OSBPL9: variants seen among roughly 807,000 people sequenced by gnomAD.
OSBPL9 encodes the protein oxysterol binding protein like 9.
A neutral mutation model predicts 106.6 loss-of-function variants in OSBPL9; 40 were observed. The observed-to-expected ratio is 0.38, with a 90% CI of 0.29 to 0.49. The LOEUF (loss-of-function observed/expected upper bound fraction) is 0.49, where lower values mean the gene tolerates loss of function less well. Ranked by LOEUF, OSBPL9 falls within the 20% of genes least tolerant of loss-of-function variation. OSBPL9 has a pLI of 0.97. For synonymous variants in OSBPL9, 269 were observed against 295.4 expected, an observed-to-expected ratio of 0.91 and a Z score of 0.92; for missense variants, 609 against 887.2, an observed-to-expected ratio of 0.69 and a Z score of 3.98.
chr1:51,777,610 A>G (rs1675363202), intron 15 of OSBPL9, among the ~76,000 whole-genome samples: 1 of 151,356 alleles, frequency 6.6e-6, no homozygotes, highest in South Asian at 2.1e-4. Flanking sequence ...GGGTGGATAC[A>G]TTGGCTGACA....
At chr1:51,583,603 G>C (rs1367455406) in intron 1 of OSBPL9, 1 of 152,230 alleles carries the variant, frequency 6.6e-6, no homozygotes, top group Non-Finnish European at 1.5e-5. Flanking sequence ...GCTGGATCAG[G>C]CCTATTCGGT....
At chr1:51,666,451 A>G (rs1648537979) in intron 2 of OSBPL9, among the ~76,000 whole-genome samples, 1 of 152,244 alleles carries the variant, frequency 6.6e-6, no homozygotes, top group Non-Finnish European at 1.5e-5. Context: ...AATTATTTTA[A>G]AAATTTAAGA....
At chr1:51,571,435 G>T in the OSBPL9 span, among the ~76,000 whole-genome samples, 1 of 152,142 alleles carries the variant, frequency 6.6e-6, no homozygotes, top group African/African-American at 2.4e-5. Flanking sequence ...GTATGTCAGG[G>T]CAGGAGGACT....
At chr1:51,723,343 T>A (rs1339579329) in intron 4 of OSBPL9, among the ~76,000 whole-genome samples, 1 of 152,252 alleles carries the variant, frequency 6.6e-6, no homozygotes, top group Non-Finnish European at 1.5e-5. Flanking sequence ...ACTGAACTTT[T>A]TAACATCTCC....
At chr1:51,663,023 C>T (rs1049791489) in intron 2 of OSBPL9, among the ~76,000 whole-genome samples, 1 of 152,140 alleles carries the variant, frequency 6.6e-6, no homozygotes, top group East Asian at 1.9e-4. Flanking sequence ...GGATTACAGG[C>T]ATGAGCCACC....
At chr1:51,598,935 A>G (rs2148603322) in intron 2 of OSBPL9, among the ~76,000 whole-genome samples, 1 of 151,804 alleles carries the variant, frequency 6.6e-6, no homozygotes, top group African/African-American at 2.4e-5. Flanking sequence ...CAGAGGTTGC[A>G]GTGAGCCAAG....
chr1:51,521,748 A>T, the OSBPL9 span, among the ~76,000 whole-genome samples: 1 of 151,950 alleles, frequency 6.6e-6, no homozygotes, highest in South Asian at 2.1e-4. Flanking sequence ...ACCGTTTATA[A>T]ATGTTTTTAT....
At chr1:51,597,453 G>GTA (rs1557579982) in intron 1 of OSBPL9, among the ~76,000 whole-genome samples, 10 of 148,058 alleles carry the variant, frequency 6.8e-5, no homozygotes, top group African/African-American at 2.5e-4. Context: ...GTGTGTGTGT[G>GTA]TGTGTGTATA....
intron 2 of OSBPL9, among the ~76,000 whole-genome samples, chr1:51,601,770 C>G (rs939626608): frequency 1.3e-5 from 2 of 152,180 alleles, no homozygotes; most frequent in Non-Finnish European, 2.9e-5. Context: ...AAGAAATGCA[C>G]CTGTATTGGA....
chr1:51,624,215 CTA>C (rs1241617517), intron 1 of OSBPL9, among the ~76,000 whole-genome samples: 3 of 152,172 alleles, frequency 2.0e-5, no homozygotes, highest in African/African-American at 7.2e-5. Context: ...CCTTGCCTGG[CTA>C]TATGGTACAT....
intron 8 of OSBPL9, 109 bp downstream of exon 8, chr1:51,750,304 C>A: frequency 1.5e-6 from 1 of 659,880 alleles, no homozygotes. Context: ...TACCTTTCTA[C>A]ATTAAACTGT....
In OSBPL9 at chr1:51,640,960, A is replaced by T. The variant is rs558656237; in HGVS notation, c.112-11031A>T. Among the ~76,000 whole-genome samples the T allele has an allele frequency of 2.6e-3, 387 of 147,176 alleles. 1 individual carries two copies. Among genetic ancestry groups the T allele is most frequent in the Middle Eastern group, 7.0e-3 (2 of 286 alleles). ...CACCACACCTGGCTAATTAAAAAAA[A>T]TTTTTTTTTTTAGAGATGGGTTCTC... On this transcript the variant is annotated intron_variant, in intron 1 of 23. Transcript: ENST00000428468.
At chr1:51,703,263 C>T (rs998301613) in intron 3 of OSBPL9, among the ~76,000 whole-genome samples, 2 of 152,186 alleles carry the variant, frequency 1.3e-5, no homozygotes, top group South Asian at 2.1e-4. Flanking sequence ...ATTGATTCTT[C>T]CTACCCATGA....
chr1:51,778,754 T>TA (rs373431411), intron 15 of OSBPL9, among the ~76,000 whole-genome samples: 1 of 151,978 alleles, frequency 6.6e-6, no homozygotes, highest in African/African-American at 2.4e-5. Flanking sequence ...TCAGGAAGGC[T>TA]ATAGAAGATT....
intron 2 of OSBPL9, among the ~76,000 whole-genome samples, chr1:51,608,682 G>T (rs968620243): frequency 7.3e-5 from 11 of 151,676 alleles, no homozygotes; most frequent in Non-Finnish European, 1.3e-4. Flanking sequence ...TGGATTGGGG[G>T]GGGGGGCTTT....
At chr1:51,685,945 T>C (rs192563675) in intron 3 of OSBPL9, among the ~76,000 whole-genome samples, 17 of 152,344 alleles carry the variant, frequency 1.1e-4, no homozygotes, top group African/African-American at 4.1e-4. Context: ...AAAGTCTCTA[T>C]CTTTGCCAGG....
At chr1:51,691,272 A>ATTTTTTTT (rs1358388118) in intron 3 of OSBPL9, among the ~76,000 whole-genome samples, 1 of 145,544 alleles carries the variant, frequency 6.9e-6, no homozygotes, top group Non-Finnish European at 1.5e-5. Context: ...GCTTGCTGTA[A>ATTTTTTTT]CTTTTTTTTT....
At chr1:51,633,360 A>C (rs1645224005) in intron 1 of OSBPL9, among the ~76,000 whole-genome samples, 1 of 151,532 alleles carries the variant, frequency 6.6e-6, no homozygotes, top group African/African-American at 2.4e-5. Context: ...GCTTGAGCCC[A>C]GGTGTTCAAG....
At chr1:51,769,851 A>C (rs990311978) in intron 12 of OSBPL9, among the ~76,000 whole-genome samples, 3 of 152,230 alleles carry the variant, frequency 2.0e-5, no homozygotes, top group African/African-American at 7.2e-5. Flanking sequence ...AGGACCTTTG[A>C]AATTACATCT....
Sources: gnomAD v4.1 joint callset for allele counts (sites outside exome capture counted in the v4.1 genomes callset) on GRCh38, gnomAD v4.1.1 for gene constraint, MANE v1.5 for transcripts, NCBI Gene and HGNC (gene_info 2026-07-23, HGNC 2026-07-21) for gene names.